ZMIZ1: variants seen among roughly 807,000 people sequenced by gnomAD.
ZMIZ1 encodes zinc finger MIZ-type containing 1.
In ZMIZ1, 17 loss-of-function variants were observed where a neutral mutation model predicts 113.9. That is an observed-to-expected ratio of 0.15 (90% CI 0.10 to 0.22). ZMIZ1 has a LOEUF of 0.22. Ranked by LOEUF, ZMIZ1 falls within the 10% of genes least tolerant of loss-of-function variation. The pLI, the probability that ZMIZ1 is intolerant of heterozygous loss-of-function variation, is 1.00. For missense variants in ZMIZ1, 1,059 were observed against 1,477.8 expected, an observed-to-expected ratio of 0.72 and a Z score of 4.65; for synonymous variants, 607 against 603.1, an observed-to-expected ratio of 1.01 and a Z score of -0.09.
In ZMIZ1 at chr10:79,179,528, C is replaced by T. The variant is rs914910202; in HGVS notation, c.-50+17395C>T. ...GTTGGCAAAGAGGCCTGCCATCTAG[C>T]TGGCACTGCCCAGCCACATGCCCAC... On this transcript the variant is annotated intron_variant, in intron 4 of 24. Coordinates refer to ENST00000334512, the MANE Select transcript of ZMIZ1 (RefSeq NM_020338.4). Among the ~76,000 whole-genome samples, 4 of 152,372 alleles carry T rather than the reference C, an allele frequency of 2.6e-5. No homozygotes were observed. In the South Asian group the frequency reaches 8.3e-4, roughly 32 times the overall value.
chr10:79,283,428 C>G lies in ZMIZ1; in HGVS notation c.425+6103C>G, dbSNP rs78510592. On this transcript the variant is annotated intron_variant, in intron 8 of 24. Transcript: ENST00000334512. ...TGTGCTTGTCGCCAAGCCTGGCACACTGGGAGCCCATGGACCAGTCATTAT... is the reference window on the plus strand; with the variant it reads ...TGTGCTTGTCGCCAAGCCTGGCACAGTGGGAGCCCATGGACCAGTCATTAT... 7.7e-3 allele frequency among the ~76,000 whole-genome samples: 1,169 copies of G among 152,308 alleles called. 13 individuals carry two copies. Among genetic ancestry groups the G allele is most frequent in the African/African-American group, 0.027 (1,112 of 41,552 alleles).
At chr10:79,154,763 C>T (rs1405690764) in intron 3 of ZMIZ1, among the ~76,000 whole-genome samples, 1 of 152,168 alleles carries the variant, frequency 6.6e-6, no homozygotes, top group East Asian at 1.9e-4. Flanking sequence ...CGAAGCCCAG[C>T]TGTGGGGGTC....
intron 7 of ZMIZ1, among the ~76,000 whole-genome samples, chr10:79,236,695 C>T (rs1413580716): frequency 1.3e-5 from 2 of 152,160 alleles, no homozygotes; most frequent in African/African-American, 4.8e-5. Flanking sequence ...ACCTAGGCTC[C>T]GGGCAGGGCA....
At chr10:79,177,746 T>C (rs552827140) in intron 4 of ZMIZ1, among the ~76,000 whole-genome samples, 1 of 152,374 alleles carries the variant, frequency 6.6e-6, no homozygotes, top group South Asian at 2.1e-4. Context: ...TGACTTATTT[T>C]AAACTTTAAT....
intron 3 of ZMIZ1, among the ~76,000 whole-genome samples, chr10:79,157,732 C>A (rs1174095324): frequency 6.6e-6 from 1 of 152,184 alleles, no homozygotes; most frequent in Non-Finnish European, 1.5e-5. Flanking sequence ...TTCAGGAATG[C>A]AGGAGGCGGG....
intron 1 of ZMIZ1, among the ~76,000 whole-genome samples, chr10:79,077,984 G>C (rs1426503819): frequency 1.3e-5 from 2 of 152,188 alleles, no homozygotes; most frequent in African/African-American, 4.8e-5. Context: ...TGGCACCTAG[G>C]CTTCCTGATC....
intron 8 of ZMIZ1, among the ~76,000 whole-genome samples, chr10:79,281,148 C>G (rs140963322): frequency 6.6e-6 from 1 of 152,196 alleles, no homozygotes; most frequent in South Asian, 2.1e-4. Context: ...ATCTGGATCT[C>G]GGCCAGCCCT....
intron 4 of ZMIZ1, among the ~76,000 whole-genome samples, chr10:79,168,308 C>T (rs569993668): frequency 6.0e-4 from 92 of 152,318 alleles, no homozygotes; most frequent in Admixed American, 4.2e-3. Context: ...GCAAGGGCTG[C>T]GGAGTTTGAG....
intron 1 of ZMIZ1, among the ~76,000 whole-genome samples, chr10:79,097,111 G>A (rs1269468850): frequency 2.0e-5 from 3 of 152,208 alleles, no homozygotes; most frequent in Admixed American, 1.3e-4. Context: ...CCCCCGGGTC[G>A]CCAGCAGTGC....
chr10:79,312,795 C>T lies in ZMIZ1; in HGVS notation c.*46C>T, dbSNP rs982442000. ...TCCCTCCACACTCTGCATCCTACCC[C>T]ACCTACCCAACACACTTTTCCACCT... On this transcript the variant is annotated 3_prime_UTR_variant, in exon 25 of 25. Coordinates refer to ENST00000334512, the MANE Select transcript of ZMIZ1 (RefSeq NM_020338.4). The T allele has an allele frequency of 1.3e-6, 2 of 1,573,090 alleles. No individual in the cohort carries two copies. Among genetic ancestry groups the T allele is most frequent in the Non-Finnish European group, 1.7e-6 (2 of 1,143,514 alleles).
intron 2 of ZMIZ1, among the ~76,000 whole-genome samples, chr10:79,126,905 G>A (rs1844535272): frequency 6.6e-6 from 1 of 152,168 alleles, no homozygotes; most frequent in African/African-American, 2.4e-5. Flanking sequence ...TGGACCCAAG[G>A]CTTCTCCCCA....
chr10:79,233,502 G>A (rs573382104), intron 7 of ZMIZ1, among the ~76,000 whole-genome samples: 2 of 152,318 alleles, frequency 1.3e-5, no homozygotes, highest in Admixed American at 6.5e-5. Flanking sequence ...ATTCATGAAG[G>A]TGTATTCCTG....
intron 5 of ZMIZ1, among the ~76,000 whole-genome samples, chr10:79,206,327 C>T (rs1459209002): frequency 1.3e-5 from 2 of 152,182 alleles, no homozygotes; most frequent in Non-Finnish European, 2.9e-5. Context: ...CTGTGACCAG[C>T]TGGGGGCAGG....
chr10:79,128,478 C>A (rs1373975605), intron 2 of ZMIZ1, among the ~76,000 whole-genome samples: 1 of 152,212 alleles, frequency 6.6e-6, no homozygotes, highest in Non-Finnish European at 1.5e-5. Flanking sequence ...TGAATCTGAC[C>A]TTTGCAGTGT....
intron 12 of ZMIZ1, chr10:79,293,920 C>T: frequency 1.8e-6 from 1 of 568,150 alleles, no homozygotes; most frequent in Admixed American, 3.0e-5. Flanking sequence ...CCTGGGCTGG[C>T]ATGTGCCGCC....
chr10:79,259,292 A>G (rs1342171676), intron 7 of ZMIZ1, among the ~76,000 whole-genome samples: 4 of 152,004 alleles, frequency 2.6e-5, no homozygotes, highest in Non-Finnish European at 5.9e-5. Context: ...TTCATGGAGG[A>G]GAAGAGAGAG....
intron 2 of ZMIZ1, among the ~76,000 whole-genome samples, chr10:79,137,073 T>A (rs1845041613): frequency 6.6e-6 from 1 of 152,250 alleles, no homozygotes; most frequent in Non-Finnish European, 1.5e-5. Context: ...TTTGTAATGT[T>A]AAATAATTTT....
At chr10:79,108,018 T>C (rs1244024634) in intron 1 of ZMIZ1, among the ~76,000 whole-genome samples, 1 of 152,140 alleles carries the variant, frequency 6.6e-6, no homozygotes, top group Non-Finnish European at 1.5e-5. Context: ...CTATGCAATA[T>C]AAAGAGCCCC....
chr10:79,288,357 A>G (rs1853227456), intron 8 of ZMIZ1, among the ~76,000 whole-genome samples: 1 of 152,084 alleles, frequency 6.6e-6, no homozygotes, highest in Non-Finnish European at 1.5e-5. Flanking sequence ...CCTGGCTGCT[A>G]GGGTTGGACT....
Sources: allele counts gnomAD v4.1 joint callset (sites outside exome capture counted in the v4.1 genomes callset), GRCh38; gene constraint gnomAD v4.1.1; transcripts MANE v1.5; gene names NCBI Gene and HGNC (gene_info 2026-07-23, HGNC 2026-07-21).